Variants in EBI3 observed in about 807,000 individuals in gnomAD.
EBI3 encodes the protein interleukin-27 subunit beta.
EBI3 carries 19 observed loss-of-function variants against 21.3 expected under a neutral mutation model. The ratio of observed to expected loss-of-function variants is 0.89; its 90% CI spans 0.62 to 1.31. The LOEUF (loss-of-function observed/expected upper bound fraction) is 1.31. EBI3 is among the 50% of genes most tolerant of loss of function. EBI3 has a pLI of 0.00. For synonymous variants in EBI3, 154 were observed against 131.2 expected, an observed-to-expected ratio of 1.17 and a Z score of -1.19; for missense variants, 331 against 314.0, an observed-to-expected ratio of 1.05 and a Z score of -0.41.
At chr19:4,235,990 G>C (rs1006276339) in intron 4 of EBI3, among the ~76,000 whole-genome samples, 1 of 152,102 alleles carries the variant, frequency 6.6e-6, no homozygotes, top group Admixed American at 6.6e-5. Flanking sequence ...GCTCATGCCT[G>C]AAATCCCAGC....
At chr19:4,233,333 G>A (rs1212238945) in intron 3 of EBI3, 26 bp downstream of exon 3, 1 of 1,551,104 alleles carries the variant, frequency 6.4e-7, no homozygotes, top group Non-Finnish European at 8.7e-7. Context: ...AGTGGGGGCG[G>A]GGGCGGGGCT....
Position 4,237,013 on chromosome 19 carries a change from T to C in EBI3, c.615T>C (p.Ala205=). ...PRARYYVQVA[A]QDLTDYGELS... The stretch of plus-strand genomic sequence containing the variant: ...CCAGGTACTACGTCCAAGTGGCGGC[T>C]CAGGACCTCACAGACTACGGGGAAC... Residue 205 remains alanine (A), a synonymous_variant, in exon 5 of 5, where the codon GCT becomes GCC. Transcript: ENST00000221847. The C allele has an allele frequency of 6.3e-7, 1 of 1,583,584 alleles. No homozygotes were observed. Among genetic ancestry groups the C allele is most frequent in the Non-Finnish European group, 8.6e-7 (1 of 1,162,448 alleles).
In EBI3 at chr19:4,233,168, G is replaced by A. The variant is rs142652661; in HGVS notation, c.240G>A (p.Leu80=). The A allele has an allele frequency of 1.2e-6, 2 of 1,606,890 alleles. No individual in the cohort carries two copies. The highest frequency in any genetic ancestry group is 3.3e-5 in the Admixed American group (2 of 59,844). The part of the protein sequence containing the change: ...MAARGHSWPC[L]QQTPTSTSCT... The stretch of plus-strand genomic sequence containing the variant: ...CCCGGGGCCACAGCTGGCCCTGCCT[G>A]CAGCAGACGCCAACGTCCACCAGCT... Residue 80 remains leucine, a synonymous_variant, in exon 3 of 5, where the codon CTG becomes CTA. Transcript: ENST00000221847.
At position 4,233,222 on chromosome 19, in the gene EBI3, C is replaced by T; in HGVS notation, c.294C>T (p.Ser98=). Residue 98 remains serine, a synonymous_variant, in exon 3 of 5, where the codon TCC becomes TCT. Coordinates refer to ENST00000221847, the MANE Select transcript of EBI3 (RefSeq NM_005755.3). Reference sequence around the variant, plus strand: ...CCATCACGGATGTCCAGCTGTTCTCCATGGCTCCCTACGTGCTCAATGTCA... The same window carrying T: ...CCATCACGGATGTCCAGCTGTTCTCTATGGCTCCCTACGTGCTCAATGTCA... ...SCTITDVQLF[S]MAPYVLNVTA... is the part of the protein sequence containing the mutation. The T allele has an allele frequency of 6.2e-7, 1 of 1,613,188 alleles. No homozygotes were observed. The highest frequency in any genetic ancestry group is 8.5e-7 in the Non-Finnish European group (1 of 1,179,930).
At chr19:4,232,549 C>G (rs867985090) in intron 2 of EBI3, among the ~76,000 whole-genome samples, 5 of 150,828 alleles carry the variant, frequency 3.3e-5, no homozygotes, top group Admixed American at 6.6e-5. Context: ...GAGACCCCCC[C>G]CCATCTGTAG....
In EBI3 at chr19:4,237,113, C is replaced by A. The variant is rs772512479; in HGVS notation, c.*25C>A. ...GCAAGGGCTTCCCGCTGCCTCCAGA[C>A]AGCACCTGGGTCCTCGCCACCCTAA... On this transcript the variant is annotated 3_prime_UTR_variant, in exon 5 of 5. Transcript: ENST00000221847. The A allele has an allele frequency of 3.4e-6, 5 of 1,477,666 alleles. No individual in the cohort carries two copies. In the East Asian group the frequency reaches 1.0e-4, roughly 31 times the overall value. The allele number at this position is 1,477,666 out of a possible 1,614,324, so 91.5% of individuals were successfully genotyped here.
chr19:4,234,520 G>T, intron 3 of EBI3, 147 bp from the exon 4 acceptor site: 1 of 1,298,172 alleles, frequency 7.7e-7, no homozygotes, highest in Non-Finnish European at 1.0e-6. Context: ...CTGAGATCAC[G>T]CCGCTGTACT....
At chr19:4,232,359 A>T (rs2144675377) in intron 2 of EBI3, among the ~76,000 whole-genome samples, 1 of 150,562 alleles carries the variant, frequency 6.6e-6, no homozygotes, top group Middle Eastern at 3.5e-3. Flanking sequence ...AGGTGGGAGG[A>T]TCACTTGAGC....
chr19:4,232,711 G>A (rs1970796690), intron 2 of EBI3, among the ~76,000 whole-genome samples: 1 of 152,060 alleles, frequency 6.6e-6, no homozygotes, highest in Non-Finnish European at 1.5e-5. Context: ...GCGCCAGAGG[G>A]AGACCCTGTC....
chr19:4,232,222 C>CA (rs71166979), intron 2 of EBI3, among the ~76,000 whole-genome samples: 29 of 57,816 alleles, frequency 5.0e-4, no homozygotes, highest in African/African-American at 1.7e-3. Flanking sequence ...GACCCCGTCT[C>CA]AAAAAAAAAA....
In EBI3 at chr19:4,233,192, C is replaced by T. The variant is rs746694098; in HGVS notation, c.264C>T (p.Ser88=). Residue 88 remains serine (S), a synonymous_variant, in exon 3 of 5, where the codon AGC becomes AGT. Coordinates refer to ENST00000221847, the MANE Select transcript of EBI3 (RefSeq NM_005755.3). ...PCLQQTPTST[S]CTITDVQLFS... ...TGCAGCAGACGCCAACGTCCACCAG[C>T]TGCACCATCACGGATGTCCAGCTGT... is the stretch of plus-strand genomic sequence containing the variant. The T allele has an allele frequency of 6.2e-7, 1 of 1,611,632 alleles. No homozygotes were observed. The highest frequency in any genetic ancestry group is 1.7e-5 in the Admixed American group (1 of 59,978).
Position 4,236,941 on chromosome 19 carries a change from G to A in EBI3, c.543G>A (p.Gly181=). 1 of 1,499,382 alleles carries A rather than the reference G, an allele frequency of 6.7e-7. No homozygotes were observed. Among genetic ancestry groups the A allele is most frequent in the Non-Finnish European group, 8.9e-7 (1 of 1,120,408 alleles). The allele number at this position is 1,499,382 out of a possible 1,614,324, so 92.9% of individuals were successfully genotyped here. A position where few individuals can be genotyped will look rare whatever the true frequency, so the allele number is the denominator to read the frequency against. Residue 181 remains glycine (G), a synonymous_variant, in exon 5 of 5, where the codon GGG becomes GGA. Transcript: ENST00000221847. Reference sequence around the variant, plus strand: ...GACGCTCTCTCTTCTCTCAGGTGGGGCCCATTGAAGCCACGTCCTTCATCC... The same window carrying A: ...GACGCTCTCTCTTCTCTCAGGTGGGACCCATTGAAGCCACGTCCTTCATCC... ...RQGAARFHRV[G]PIEATSFILR... is the part of the protein sequence containing the mutation.
chr19:4,235,779 A>G (rs1439620514), intron 4 of EBI3, among the ~76,000 whole-genome samples: 1 of 152,110 alleles, frequency 6.6e-6, no homozygotes. Context: ...AAATTTAAAC[A>G]TTAGTTGGGT....
At chr19:4,229,668 C>T (rs369778898) in intron 1 of EBI3, 51 bp downstream of exon 1, 170 of 1,543,094 alleles carry the variant, frequency 1.1e-4, no homozygotes, top group Middle Eastern at 3.4e-4. Context: ...GGACATGACA[C>T]GAGGACTGGC....
chr19:4,237,152 T>G lies in EBI3; in HGVS notation c.*64T>G. 1 of 1,405,506 alleles carries G rather than the reference T, an allele frequency of 7.1e-7. No individual in the cohort carries two copies. The highest frequency in any genetic ancestry group is 1.6e-5 in the South Asian group (1 of 61,854). 87.1% of individuals were successfully genotyped at this position (1,405,506 alleles called of 1,614,324 possible). On this transcript the variant is annotated 3_prime_UTR_variant, in exon 5 of 5. Coordinates refer to ENST00000221847, the MANE Select transcript of EBI3 (RefSeq NM_005755.3). ...TCGCCACCCTAAGCCCCGGGACACC[T>G]GTTGGAGGGCGGATGGGATCTGCCT...
At chr19:4,230,595 ATT>A (rs979253592) in intron 1 of EBI3, among the ~76,000 whole-genome samples, 1 of 147,446 alleles carries the variant, frequency 6.8e-6, no homozygotes, top group Non-Finnish European at 1.5e-5. Context: ...AATAATAATA[ATT>A]TATAGGCTGG....
At position 4,237,060 on chromosome 19, in the gene EBI3, C is replaced by A; in HGVS notation, c.662C>A (p.Ala221Asp). Residue 221 changes from alanine (A) to aspartate (D), a missense_variant, in exon 5 of 5, where the codon GCC (alanine) becomes GAC (aspartate). Transcript: ENST00000221847. ...GAACTGAGTGACTGGAGTCTCCCCG[C>A]CACTGCCACAATGAGCCTGGGCAAG... ...YGELSDWSLP[A>D]TATMSLGK is the part of the protein sequence containing the mutation. The A allele has an allele frequency of 6.4e-7, 1 of 1,560,356 alleles. No homozygotes were observed. The highest frequency in any genetic ancestry group is 8.7e-7 in the Non-Finnish European group (1 of 1,150,206).
rs776254267 is a variant in EBI3 at position 4,233,320 on chromosome 19, G to T, written c.379+13G>T. The T allele has an allele frequency of 1.3e-6, 2 of 1,577,270 alleles. No homozygotes were observed. Among genetic ancestry groups the T allele is most frequent in the South Asian group, 2.3e-5 (2 of 87,270 alleles). On this transcript the variant is annotated intron_variant, in intron 3 of 4. Transcript: ENST00000221847. Reference sequence around the variant, plus strand: ...ACAGAGCACATCAGTGAGTGGGGGCGGCAGTGGGGGCGGGGGCGGGGCTGC... The same window carrying T: ...ACAGAGCACATCAGTGAGTGGGGGCTGCAGTGGGGGCGGGGGCGGGGCTGC...
chr19:4,236,542 A>AAAAAAAAAAC, intron 4 of EBI3, among the ~76,000 whole-genome samples: 1 of 149,888 alleles, frequency 6.7e-6, no homozygotes, highest in Non-Finnish European at 1.5e-5. Context: ...AAAAAAAAAA[A>AAAAAAAAAAC]AGCATGGTTA....
Sources: allele counts gnomAD v4.1 joint callset (sites outside exome capture counted in the v4.1 genomes callset), GRCh38; gene constraint gnomAD v4.1.1; transcripts MANE v1.5; gene names NCBI Gene and HGNC (gene_info 2026-07-23, HGNC 2026-07-21).